The following BMPER variants were observed in gnomAD, a reference collection of about 807,000 sequenced individuals.
The protein encoded by BMPER is BMP binding endothelial regulator.
In BMPER, 45 loss-of-function variants were observed where a neutral mutation model predicts 87.3. The ratio of observed to expected loss-of-function variants is 0.52; its 90% CI spans 0.41 to 0.66. The LOEUF (loss-of-function observed/expected upper bound fraction) is 0.66, where lower values mean the gene tolerates loss of function less well. Among genes scored for constraint, BMPER ranks in the 30% least tolerant of loss-of-function variants. BMPER has a pLI of 0.00. For missense variants in BMPER, 784 were observed against 867.5 expected (o/e 0.90, Z 1.21); for synonymous variants, 326 against 316.2 (o/e 1.03, Z -0.33).
At chr7:33,916,167 T>C (rs891113656) in intron 2 of BMPER, among the ~76,000 whole-genome samples, 4 of 152,216 alleles carry the variant, frequency 2.6e-5, no homozygotes, top group African/African-American at 9.6e-5. Flanking sequence ...CAATGGAAGG[T>C]CAGAAGAGGC....
Position 34,112,494 on chromosome 7 carries a change from C to CAAAAAA in BMPER, c.1745+26403_1745+26404insAAAAAA, listed in dbSNP as rs1789998909. 3.4e-5 allele frequency among the ~76,000 whole-genome samples: 3 copies of CAAAAAA among 87,772 alleles called. 1 individual carries two copies. Among genetic ancestry groups the CAAAAAA allele is most frequent in the Non-Finnish European group, 6.6e-5 (3 of 45,536 alleles). 57.6% of individuals were successfully genotyped at this position (87,772 alleles called of 152,430 possible). ...TGGGCGACGGAGCGAGACTCCGTCT[C>CAAAAAA]AGAAAAAAAAAAAAAAAAAAAAAAA... is the stretch of plus-strand genomic sequence containing the variant. On this transcript the variant is annotated intron_variant, in intron 13 of 14. Transcript: ENST00000649409.
At chr7:34,027,154 G>C (rs1446662626) in intron 6 of BMPER, among the ~76,000 whole-genome samples, 2 of 152,136 alleles carry the variant, frequency 1.3e-5, no homozygotes, top group East Asian at 3.9e-4. Context: ...ATTTATATAA[G>C]TCAGCAGTTC....
intron 6 of BMPER, among the ~76,000 whole-genome samples, chr7:34,032,112 T>C (rs1483339505): frequency 6.6e-6 from 1 of 151,332 alleles, no homozygotes; most frequent in Non-Finnish European, 1.5e-5. Context: ...TTTCATGAAC[T>C]CTATGAGACT....
chr7:34,126,826 C>T (rs374611020), intron 13 of BMPER, among the ~76,000 whole-genome samples: 4 of 152,208 alleles, frequency 2.6e-5, no homozygotes, highest in African/African-American at 9.6e-5. Context: ...GATTTTTATA[C>T]ACCTGGAAAG....
intron 13 of BMPER, among the ~76,000 whole-genome samples, chr7:34,126,582 A>C (rs1463122185): frequency 2.8e-4 from 43 of 152,198 alleles, no homozygotes; most frequent in Admixed American, 2.8e-3. Context: ...TTTGTGCTGT[A>C]GTTGGAAATA....
intron 6 of BMPER, among the ~76,000 whole-genome samples, chr7:34,009,627 G>A (rs371129102): frequency 3.9e-5 from 6 of 151,922 alleles, no homozygotes; most frequent in East Asian, 1.9e-4. Context: ...GGATAAAACC[G>A]TATAAATGTG....
intron 11 of BMPER, among the ~76,000 whole-genome samples, chr7:34,070,714 T>C (rs1788714991): frequency 6.6e-6 from 1 of 152,112 alleles, no homozygotes; most frequent in Admixed American, 6.5e-5. Context: ...AACTTAAATG[T>C]GTTTTCTTAC....
chr7:33,965,475 G>A (rs1344290769), intron 3 of BMPER, among the ~76,000 whole-genome samples: 1 of 152,118 alleles, frequency 6.6e-6, no homozygotes, highest in African/African-American at 2.4e-5. Flanking sequence ...AGAAAAACTT[G>A]ATGTGAATTG....
intron 14 of BMPER, among the ~76,000 whole-genome samples, chr7:34,145,231 T>G (rs1390661010): frequency 1.3e-5 from 2 of 152,126 alleles, no homozygotes; most frequent in Non-Finnish European, 2.9e-5. Flanking sequence ...GATGGATTTT[T>G]GGGGGTTGCT....
rs192863990 is a variant in BMPER at position 34,028,286 on chromosome 7, T to A, written c.577-18020T>A. Among the ~76,000 whole-genome samples the A allele has an allele frequency of 1.1e-3, 167 of 152,188 alleles. 2 individuals are homozygous for A. The highest frequency in any genetic ancestry group is 4.1e-4 in the South Asian group (2 of 4,826). ...AACCATTCCATACTTCTCACTAATT[T>A]TTTTTGTTTTGGAAAATACAGTTAT... On this transcript the variant is annotated intron_variant, in intron 6 of 14. Transcript: ENST00000649409.
intron 6 of BMPER, among the ~76,000 whole-genome samples, chr7:33,978,564 C>G (rs568316164): frequency 6.6e-6 from 1 of 152,222 alleles, no homozygotes; most frequent in South Asian, 2.1e-4. Context: ...GAGGGCTGCT[C>G]CCGGGAGGTC....
chr7:34,024,212 G>A (rs962619513), intron 6 of BMPER, among the ~76,000 whole-genome samples: 1 of 150,088 alleles, frequency 6.7e-6, no homozygotes, highest in Non-Finnish European at 1.5e-5. Flanking sequence ...ACAAAAATTA[G>A]CTGGGCATGG....
chr7:33,907,320 G>C (rs967375057), intron 2 of BMPER, among the ~76,000 whole-genome samples: 1 of 152,024 alleles, frequency 6.6e-6, no homozygotes, highest in African/African-American at 2.4e-5. Context: ...TAAGGTATGC[G>C]ACAAAGGGAA....
intron 6 of BMPER, among the ~76,000 whole-genome samples, chr7:34,025,657 C>T (rs1013139056): frequency 1.3e-5 from 2 of 151,950 alleles, no homozygotes. Flanking sequence ...GGCAGAAATC[C>T]AGCCTGAAAG....
intron 2 of BMPER, among the ~76,000 whole-genome samples, chr7:33,935,780 A>G (rs1353152256): frequency 6.6e-6 from 1 of 152,180 alleles, no homozygotes; most frequent in Non-Finnish European, 1.5e-5. Context: ...GTCCTAGGAC[A>G]GTTTCAGGAG....
chr7:34,025,646 A>C (rs1396348423), intron 6 of BMPER, among the ~76,000 whole-genome samples: 1 of 152,044 alleles, frequency 6.6e-6, no homozygotes, highest in East Asian at 1.9e-4. Flanking sequence ...GGAGTGACTG[A>C]GGCAGAAATC....
intron 13 of BMPER, among the ~76,000 whole-genome samples, chr7:34,101,777 G>C (rs1789687868): frequency 6.6e-6 from 1 of 152,176 alleles, no homozygotes; most frequent in South Asian, 2.1e-4. Flanking sequence ...GCTGTCTTCA[G>C]GACTGGGTAA....
chr7:34,095,155 A>G (rs1213315160), intron 13 of BMPER, among the ~76,000 whole-genome samples: 1 of 152,234 alleles, frequency 6.6e-6, no homozygotes, highest in African/African-American at 2.4e-5. Context: ...TAATTCCATA[A>G]GATGAATATA....
chr7:34,085,136 TAATC>T (rs1409320566), intron 12 of BMPER, among the ~76,000 whole-genome samples: 1 of 152,192 alleles, frequency 6.6e-6, no homozygotes, highest in East Asian at 1.9e-4. Flanking sequence ...CAAGAAATGT[TAATC>T]AAACAGTGTC....
Sources: gnomAD v4.1 joint callset for allele counts (sites outside exome capture counted in the v4.1 genomes callset) on GRCh38, gnomAD v4.1.1 for gene constraint, MANE v1.5 for transcripts, NCBI Gene and HGNC (gene_info 2026-07-23, HGNC 2026-07-21) for gene names.